Variants in COL11A1 observed in about 807,000 individuals in gnomAD.
COL11A1 encodes the protein collagen alpha-1(XI) chain.
A neutral mutation model predicts 265.2 loss-of-function variants in COL11A1; 74 were observed. That is an observed-to-expected ratio of 0.28 (90% CI 0.23 to 0.34). COL11A1 has a LOEUF of 0.34. COL11A1 is among the 10% of genes least tolerant of loss of function. The probability of loss-of-function intolerance (pLI) is 1.00; values close to 1 mark genes in which losing one functional copy is unlikely to be tolerated. For missense variants in COL11A1, 2,165 were observed against 2,263.6 expected (o/e 0.96, Z 0.88); for synonymous variants, 816 against 727.6 (o/e 1.12, Z -1.96).
At chr1:102,903,262 C>A (rs1296678370) in intron 54 of COL11A1, among the ~76,000 whole-genome samples, 1 of 152,056 alleles carries the variant, frequency 6.6e-6, no homozygotes, top group Non-Finnish European at 1.5e-5. Context: ...TAATGTAATT[C>A]TCCTACTTGT....
At chr1:103,089,148 G>A (rs1198048370) in intron 1 of COL11A1, among the ~76,000 whole-genome samples, 2 of 152,098 alleles carry the variant, frequency 1.3e-5, no homozygotes, top group Non-Finnish European at 1.5e-5. Flanking sequence ...ACCTATGAAT[G>A]CCTGGAACCC....
At chr1:103,004,726 G>A in intron 18 of COL11A1, 65 bp from the exon 19 acceptor site, 1 of 1,383,210 alleles carries the variant, frequency 7.2e-7, no homozygotes, top group South Asian at 1.2e-5. Flanking sequence ...AGTCTATCAG[G>A]TAGCTATCCA....
rs1302207968 is a variant in COL11A1 at position 102,878,075 on chromosome 1, C to T, written c.5365G>A (p.Gly1789Ser). Residue 1789 changes from glycine to serine, a missense_variant, in exon 67 of 67, where the codon GGT becomes AGT. By Grantham distance (56) the Gly-to-Ser change is moderately conservative. Coordinates refer to ENST00000370096, the MANE Select transcript of COL11A1 (RefSeq NM_001854.4). ...PIVDVMINDF[G>S]DQNQKFGFEV... The stretch of plus-strand genomic sequence containing the variant: ...AATCCGAACTTCTGATTCTGATCAC[C>T]AAAGTCATTGATCATGACATCAACA... 3 of 1,613,406 alleles carry T rather than the reference C, an allele frequency of 1.9e-6. No individual in the cohort carries two copies. Among genetic ancestry groups the T allele is most frequent in the Non-Finnish European group, 2.5e-6 (3 of 1,179,682 alleles).
intron 37 of COL11A1, among the ~76,000 whole-genome samples, chr1:102,967,812 C>T (rs574276548): frequency 6.6e-6 from 1 of 152,212 alleles, no homozygotes; most frequent in African/African-American, 2.4e-5. Context: ...AGCATTTTGT[C>T]TTACTAACTG....
At chr1:102,914,619 G>C (rs1193965130) in intron 51 of COL11A1, 85 bp downstream of exon 51, 2 of 1,083,040 alleles carry the variant, frequency 1.8e-6, no homozygotes, top group African/African-American at 3.1e-5. Context: ...ATGTTCCAGA[G>C]TCTCAGGATT....
At chr1:102,956,864 G>T (rs1420864875) in intron 41 of COL11A1, among the ~76,000 whole-genome samples, 3 of 150,074 alleles carry the variant, frequency 2.0e-5, no homozygotes, top group African/African-American at 7.3e-5. Context: ...TCTAAGTTTT[G>T]TAATTCAAAC....
In COL11A1 at chr1:102,887,422, G is replaced by T. The variant is rs577489757; in HGVS notation, c.4609-366C>A. Among the ~76,000 whole-genome samples the T allele has an allele frequency of 2.6e-5, 4 of 151,882 alleles. No individual in the cohort carries two copies. In the South Asian group the frequency reaches 8.3e-4, roughly 31 times the overall value. On this transcript the variant is annotated intron_variant, in intron 62 of 66. Coordinates refer to ENST00000370096, the MANE Select transcript of COL11A1 (RefSeq NM_001854.4). ...TGTAAAGTCTCTGAGGATTAGAACA[G>T]CACTTTAAAGCTATTGCGCTATCTA... is the stretch of plus-strand genomic sequence containing the variant.
At chr1:103,001,528 A>T (rs531118649) in intron 24 of COL11A1, 1 of 453,276 alleles carries the variant, frequency 2.2e-6, no homozygotes, top group East Asian at 3.2e-5. Context: ...ATATAATGGC[A>T]ATGACAACTT....
intron 63 of COL11A1, among the ~76,000 whole-genome samples, chr1:102,886,565 G>C (rs545604151): frequency 2.6e-5 from 4 of 152,134 alleles, no homozygotes. Flanking sequence ...TGTGTTAGCT[G>C]TAATCATCCA....
At chr1:103,049,548 TA>T (rs1669610773) in intron 4 of COL11A1, among the ~76,000 whole-genome samples, 1 of 152,224 alleles carries the variant, frequency 6.6e-6, no homozygotes, top group South Asian at 2.1e-4. Context: ...CTTGACTCTT[TA>T]TCCAATTTGC....
intron 4 of COL11A1, among the ~76,000 whole-genome samples, chr1:103,067,941 T>C (rs1207147885): frequency 6.6e-6 from 1 of 151,568 alleles, no homozygotes; most frequent in Non-Finnish European, 1.5e-5. Context: ...AGTAAAGAAA[T>C]TGAATATGTT....
chr1:102,912,168 A>G lies in COL11A1; in HGVS notation c.4077T>C (p.Pro1359=), dbSNP rs749035637. 3 of 1,610,966 alleles carry G rather than the reference A, an allele frequency of 1.9e-6. No individual in the cohort carries two copies. The highest frequency in any genetic ancestry group is 2.7e-5 in the African/African-American group (2 of 74,856). ...PSGEAGPPGP[P]GKRGPPGAAG... ...AATTAAAGAAACTTACTCGTTTTCCAGGAGGACCTGGTGGGCCAGCCTCAC... is the reference window on the plus strand; with the variant it reads ...AATTAAAGAAACTTACTCGTTTTCCGGGAGGACCTGGTGGGCCAGCCTCAC... Residue 1359 remains proline, a synonymous_variant, in exon 54 of 67, where the codon CCT becomes CCC. Transcript: ENST00000370096.
intron 25 of COL11A1, among the ~76,000 whole-genome samples, chr1:102,997,669 C>G (rs934936761): frequency 1.3e-5 from 2 of 151,680 alleles, no homozygotes; most frequent in African/African-American, 4.8e-5. Context: ...AATCTTATAT[C>G]CTAGTACTAC....
intron 37 of COL11A1, among the ~76,000 whole-genome samples, chr1:102,967,562 T>C (rs892696367): frequency 2.6e-4 from 40 of 152,096 alleles, no homozygotes; most frequent in African/African-American, 8.4e-4. Context: ...TTTAAACATA[T>C]AGATGACAAA....
At chr1:102,903,778 G>A (rs1653532585) in intron 54 of COL11A1, among the ~76,000 whole-genome samples, 1 of 152,128 alleles carries the variant, frequency 6.6e-6, no homozygotes, top group Non-Finnish European at 1.5e-5. Flanking sequence ...ACCCCTCTAT[G>A]ATTAGATGTT....
chr1:102,972,226 T>C (rs898380996), intron 36 of COL11A1, among the ~76,000 whole-genome samples: 12 of 152,192 alleles, frequency 7.9e-5, no homozygotes, highest in Non-Finnish European at 1.3e-4. Flanking sequence ...GGCTTTTTTT[T>C]CCACCATACT....
In COL11A1 at chr1:103,004,609, C is replaced by T. The variant is rs1410504443; in HGVS notation, c.1898G>A (p.Arg633Lys). The T allele has an allele frequency of 3.1e-6, 5 of 1,608,762 alleles. No individual in the cohort carries two copies. In the South Asian group the frequency reaches 4.4e-5, roughly 14 times the overall value. Residue 633 changes from arginine (R) to lysine (K), a missense_variant and splice_region_variant, in exon 19 of 67, where the codon AGG becomes AAG. Transcript: ENST00000370096. ...TTAAGAAAAGAAGTATTAACATACC[C>T]TCATTCCATCATCACCAGGAGGACC... ...PPGPPGDDGM[R>K]GEDGEIGPRG...
intron 51 of COL11A1, 144 bp downstream of exon 51, chr1:102,914,560 G>T: frequency 1.0e-6 from 1 of 970,436 alleles, no homozygotes; most frequent in Non-Finnish European, 1.6e-6. Flanking sequence ...TAATTCAATT[G>T]AGAATGCTTA....
At chr1:103,013,764 C>T (rs1393585611) in intron 13 of COL11A1, among the ~76,000 whole-genome samples, 7 of 151,654 alleles carry the variant, frequency 4.6e-5, no homozygotes, top group Non-Finnish European at 7.4e-5. Context: ...TAACCATATC[C>T]ATACCAAACA....
Sources: gnomAD v4.1 joint callset for allele counts (sites outside exome capture counted in the v4.1 genomes callset) on GRCh38, gnomAD v4.1.1 for gene constraint, MANE v1.5 for transcripts, NCBI Gene and HGNC (gene_info 2026-07-23, HGNC 2026-07-21) for gene names.